Variants in CTCFL observed in about 807,000 individuals in gnomAD.
CTCFL encodes the protein CCCTC-binding factor like, also known as transcriptional repressor CTCFL.
CTCFL carries 36 observed loss-of-function variants against 67.4 expected under a neutral mutation model. That is an observed-to-expected ratio of 0.53 (90% CI 0.41 to 0.71). CTCFL has a LOEUF of 0.71. Ranked by LOEUF, CTCFL falls within the 30% of genes least tolerant of loss-of-function variation. The probability of loss-of-function intolerance (pLI) is 0.00; values close to 1 mark genes in which losing one functional copy is unlikely to be tolerated. For synonymous variants in CTCFL, 324 were observed against 302.3 expected (o/e 1.07, Z -0.75); for missense variants, 786 against 835.2 (o/e 0.94, Z 0.73).
intron 6 of CTCFL, chr20:57,515,278 G>C (rs145420530): frequency 1.2e-5 from 2 of 171,024 alleles, no homozygotes; most frequent in Non-Finnish European, 2.5e-5. Context: ...CCAAGTAGCT[G>C]GGACCACAGG....
intron 1 of CTCFL, chr20:57,524,422 A>G: frequency 7.1e-7 from 1 of 1,406,246 alleles, no homozygotes; most frequent in South Asian, 1.6e-5. Flanking sequence ...AGGCTAAAGC[A>G]GGATTTTGTA....
downstream of CTCFL, among the ~76,000 whole-genome samples, chr20:57,496,812 G>C (rs985938373): frequency 2.6e-5 from 4 of 152,170 alleles, no homozygotes; most frequent in South Asian, 4.1e-4. Flanking sequence ...ATATTCCACT[G>C]CATGTATATA....
chr20:57,521,967 T>C (rs1196510987), intron 3 of CTCFL, among the ~76,000 whole-genome samples: 2 of 152,220 alleles, frequency 1.3e-5, no homozygotes, highest in African/African-American at 4.8e-5. Flanking sequence ...AGGCCTCTTA[T>C]TGGGGTGATA....
chr20:57,521,299 A>G (rs1478635163), intron 3 of CTCFL, among the ~76,000 whole-genome samples: 1 of 152,252 alleles, frequency 6.6e-6, no homozygotes, highest in African/African-American at 2.4e-5. Context: ...GACCAATGAA[A>G]ACATGAGGAG....
chr20:57,500,044 T>C (rs961065255), intron 10 of CTCFL: 2 of 987,216 alleles, frequency 2.0e-6, no homozygotes, highest in East Asian at 1.1e-4. Context: ...TCTCATGTTC[T>C]AACTTGTCTG....
chr20:57,523,527 A>G (rs1600685685), intron 2 of CTCFL, 136 bp downstream of exon 2: 2 of 1,277,966 alleles, frequency 1.6e-6, no homozygotes, highest in East Asian at 4.7e-5. Context: ...AGAACTCTCA[A>G]GATTTTCCTG....
At chr20:57,503,364 A>C (rs1460015235) in intron 10 of CTCFL, 72 bp downstream of exon 10, 1 of 1,566,242 alleles carries the variant, frequency 6.4e-7, no homozygotes, top group Non-Finnish European at 8.8e-7. Flanking sequence ...GGACAGTAAC[A>C]CTCGGCACCC....
intron 7 of CTCFL, 23 bp from the exon 8 acceptor site, chr20:57,512,775 T>C (rs1440350869): frequency 1.2e-6 from 2 of 1,611,800 alleles, no homozygotes; most frequent in African/African-American, 1.3e-5. Context: ...CAGAACATTA[T>C]ATACTTCAAG....
chr20:57,498,751 G>A (rs2067769512), intron 10 of CTCFL, 50 bp from the exon 11 acceptor site: 1 of 1,531,274 alleles, frequency 6.5e-7, no homozygotes, highest in East Asian at 2.3e-5. Flanking sequence ...CTAAGGAATT[G>A]GAATTTATAA....
intron 9 of CTCFL, chr20:57,506,820 A>G (rs2068231166): frequency 1.0e-6 from 1 of 985,178 alleles, no homozygotes; most frequent in African/African-American, 1.7e-5. Context: ...CTACTCGTTA[A>G]TTTTAACTCT....
At chr20:57,505,192 A>T (rs568272265) in intron 9 of CTCFL, among the ~76,000 whole-genome samples, 1 of 151,986 alleles carries the variant, frequency 6.6e-6, no homozygotes, top group Non-Finnish European at 1.5e-5. Context: ...TCTAGCCAAA[A>T]GCTAGCTTGC....
chr20:57,511,242 G>A (rs1402793513), intron 8 of CTCFL, among the ~76,000 whole-genome samples: 2 of 152,062 alleles, frequency 1.3e-5, no homozygotes, highest in East Asian at 1.9e-4. Context: ...GTCTCATTAT[G>A]TTGCCCAGGT....
intron 5 of CTCFL, 199 bp downstream of exon 5, chr20:57,518,559 T>A (rs2069097260): frequency 7.0e-7 from 1 of 1,429,228 alleles, no homozygotes; most frequent in Non-Finnish European, 9.3e-7. Flanking sequence ...TTTCACTAAT[T>A]AGTAATCAAA....
At chr20:57,503,300 A>G in intron 10 of CTCFL, 136 bp downstream of exon 10, 2 of 1,005,738 alleles carry the variant, frequency 2.0e-6, no homozygotes, top group Non-Finnish European at 3.0e-6. Context: ...ATCTGGCACA[A>G]GCCACCTTGC....
At chr20:57,509,219 A>C (rs2068398632) in intron 8 of CTCFL, among the ~76,000 whole-genome samples, 1 of 152,166 alleles carries the variant, frequency 6.6e-6, no homozygotes, top group African/African-American at 2.4e-5. Context: ...TGGGGTTGCA[A>C]GTACCTTAAG....
rs1468135751 is a variant in CTCFL, at chr20:57,512,722, C to A, written c.1361G>T (p.Ser454Ile). The change falls in exon 8 of 11, where the codon AGC (serine) becomes ATC (isoleucine). Residue 454 changes from serine (S) to isoleucine (I), a missense_variant. Ser to Ile is a moderately radical substitution (Grantham distance 142). This residue lies in a region of CTCFL where 254 missense variants were observed against 333.9 expected (regional missense o/e 0.76). Transcript: ENST00000243914. Reference protein sequence around the residue: ...RVHMRNLHAYSAAELKCRYCS... With the variant: ...RVHMRNLHAYIAAELKCRYCS... ...GTAGCGGCATTTCAGCTCTGCAGCG[C>A]TGTAAGCATGCAAGTTGCGCATATG... is the stretch of plus-strand genomic sequence containing the variant. 3.1e-6 allele frequency: 5 copies of A among 1,614,230 alleles called. No individual in the cohort carries two copies. Among genetic ancestry groups the A allele is most frequent in the Non-Finnish European group, 4.2e-6 (5 of 1,180,032 alleles).
Position 57,498,158 on chromosome 20 carries a change from T to C in CTCFL, c.*392A>G, listed in dbSNP as rs11699556. On this transcript the variant is annotated 3_prime_UTR_variant, in exon 11 of 11. Transcript: ENST00000243914. ...TGGAAGCACTAGCTGGTCTAGACTA[T>C]TTTGAAATATCCAAAAATCACTACT... 4,672 of 990,964 alleles carry C rather than the reference T, an allele frequency of 4.7e-3. 17 individuals are homozygous for C. Among genetic ancestry groups the C allele is most frequent in the Middle Eastern group, 8.8e-3 (17 of 1,928 alleles). The allele number at this position is 990,964 out of a possible 1,614,324, so 61.4% of individuals were successfully genotyped here. A position where few individuals can be genotyped will look rare whatever the true frequency, so the allele number is the denominator to read the frequency against.
chr20:57,519,281 G>A lies in CTCFL; in HGVS notation c.851C>T (p.Pro284Leu), dbSNP rs1233621676. 3.7e-6 allele frequency: 6 copies of A among 1,614,136 alleles called. No individual in the cohort carries two copies. The highest frequency in any genetic ancestry group is 4.2e-6 in the Non-Finnish European group (5 of 1,180,030). ...TTTCAGGCAGAGGTGACACAGGTGA[G>A]GCTTCTCACTGGTGTGAGTTTTCAT... is the stretch of plus-strand genomic sequence containing the variant. ...RHMKTHTSEK[P>L]HLCHLCLKTF... The change falls in exon 4 of 11, where the codon CCT becomes CTT. Residue 284 changes from proline (P) to leucine (L), a missense_variant. Around this residue, in one of 3 missense-constraint regions of CTCFL, gnomAD observed 254 missense variants for 333.9 expected, o/e 0.76. Transcript: ENST00000243914.
Position 57,498,506 on chromosome 20 carries a change from T to G in CTCFL, c.*44A>C, listed in dbSNP as rs779194326. 5 of 1,585,818 alleles carry G rather than the reference T, an allele frequency of 3.2e-6. No individual in the cohort carries two copies. Among genetic ancestry groups the G allele is most frequent in the Non-Finnish European group, 4.3e-6 (5 of 1,163,178 alleles). The stretch of plus-strand genomic sequence containing the variant: ...CCTTAAATGCTAAAAACTTCTAACT[T>G]GCTTTAGGAATTGGGGGCAGTGAAC... On this transcript the variant is annotated 3_prime_UTR_variant, in exon 11 of 11. Coordinates refer to ENST00000243914, the MANE Select transcript of CTCFL (RefSeq NM_001386993.1).
Sources: gnomAD v4.1 joint callset for allele counts (sites outside exome capture counted in the v4.1 genomes callset) on GRCh38, gnomAD v4.1.1 for gene constraint, gnomAD v4.1.1 regional missense constraint, MANE v1.5 for transcripts, NCBI Gene and HGNC (gene_info 2026-07-23, HGNC 2026-07-21) for gene names.